Variants in NUP155 observed in about 807,000 individuals in gnomAD.
NUP155 encodes nucleoporin 155.
In NUP155, 71 loss-of-function variants were observed where a neutral mutation model predicts 180.4. The ratio of observed to expected loss-of-function variants is 0.39; its 90% CI spans 0.33 to 0.48. The LOEUF is 0.48. Among genes scored for constraint, NUP155 ranks in the 20% least tolerant of loss-of-function variants. NUP155 has a pLI of 0.91. For missense variants in NUP155, 1,553 were observed against 1,648.9 expected (o/e 0.94, Z 1.01); for synonymous variants, 582 against 559.5 (o/e 1.04, Z -0.57).
chr5:37,312,040 C>CA (rs1246944855), intron 22 of NUP155, among the ~76,000 whole-genome samples: 3 of 151,930 alleles, frequency 2.0e-5, no homozygotes, highest in Non-Finnish European at 4.4e-5. Flanking sequence ...AAAAAACAAA[C>CA]AAACAAATAA....
At chr5:37,366,529 C>T (rs1747594411) in intron 1 of NUP155, among the ~76,000 whole-genome samples, 1 of 152,212 alleles carries the variant, frequency 6.6e-6, no homozygotes, top group African/African-American at 2.4e-5. Context: ...ACCTCCAATT[C>T]CCTGGTTCAA....
At chr5:37,307,757 A>C (rs1743250047) in intron 24 of NUP155, among the ~76,000 whole-genome samples, 1 of 152,004 alleles carries the variant, frequency 6.6e-6, no homozygotes, top group South Asian at 2.1e-4. Context: ...CCCCACCTCT[A>C]CTAAAAATAC....
chr5:37,368,924 G>A (rs1747780967), intron 1 of NUP155, among the ~76,000 whole-genome samples: 1 of 152,190 alleles, frequency 6.6e-6, no homozygotes, highest in African/African-American at 2.4e-5. Flanking sequence ...AACACAGAGG[G>A]AGGAATCGAT....
chr5:37,325,208 T>C (rs1388085511), intron 19 of NUP155, among the ~76,000 whole-genome samples: 3 of 151,988 alleles, frequency 2.0e-5, no homozygotes, highest in Non-Finnish European at 2.9e-5. Context: ...TGCCAATTCA[T>C]AGAAATTAGT....
chr5:37,323,126 C>G (rs1327329525), intron 20 of NUP155, among the ~76,000 whole-genome samples: 5 of 149,116 alleles, frequency 3.4e-5, no homozygotes, highest in African/African-American at 9.9e-5. Context: ...GCTGAAAATA[C>G]AAAGAAGAAT....
chr5:37,292,917 T>C lies in NUP155; in HGVS notation c.3999A>G (p.Arg1333=), dbSNP rs1742311211. 6.2e-7 allele frequency: 1 copy of C among 1,612,142 alleles called. No individual in the cohort carries two copies. The highest frequency in any genetic ancestry group is 8.5e-7 in the Non-Finnish European group (1 of 1,178,708). The change falls in exon 34 of 35, where the codon AGA becomes AGG. Residue 1333 remains arginine, a synonymous_variant. Transcript: ENST00000231498. ...LLDCIHVLLI[R]YVENPSQVLN... ...AAACTTGGCTGGGATTCTCAACATA[T>C]CTTATCAATAATACATGTATACAAT...
intron 9 of NUP155, among the ~76,000 whole-genome samples, chr5:37,344,353 A>AT (rs1745937657): frequency 6.7e-6 from 1 of 150,264 alleles, no homozygotes; most frequent in Non-Finnish European, 1.5e-5. Flanking sequence ...AAGAAAAAAA[A>AT]AAAAAAAAGA....
intron 24 of NUP155, among the ~76,000 whole-genome samples, chr5:37,307,952 AATAT>A (rs397997402): frequency 3.5e-4 from 31 of 87,682 alleles, no homozygotes; most frequent in East Asian, 1.6e-3. Context: ...GAAAAAAAAA[AATAT>A]ATATATATAT....
At chr5:37,331,623 A>C in intron 14 of NUP155, 62 bp downstream of exon 14, 1 of 877,258 alleles carries the variant, frequency 1.1e-6, no homozygotes, top group Middle Eastern at 3.3e-4. Flanking sequence ...AATTTACATA[A>C]ACTATGACTC....
Position 37,317,970 on chromosome 5 carries a change from T to A in NUP155, c.2305+18A>T. On this transcript the variant is annotated intron_variant, in intron 21 of 34. Coordinates refer to ENST00000231498, the MANE Select transcript of NUP155 (RefSeq NM_153485.3). ...ACTGAGGTCATGTACGCTTAACTGA[T>A]GAGAAGCAATAATTTACCATGAAAC... The A allele has an allele frequency of 7.1e-7, 1 of 1,415,756 alleles. No individual in the cohort carries two copies. The highest frequency in any genetic ancestry group is 1.0e-6 in the Non-Finnish European group (1 of 998,696). The allele number at this position is 1,415,756 out of a possible 1,614,324, so 87.7% of individuals were successfully genotyped here.
intron 20 of NUP155, among the ~76,000 whole-genome samples, chr5:37,320,174 G>A (rs1472184214): frequency 6.6e-6 from 1 of 151,040 alleles, no homozygotes; most frequent in African/African-American, 2.4e-5. Flanking sequence ...AAAAAAAAGA[G>A]AAAAGACAGA....
intron 9 of NUP155, 98 bp from the exon 10 acceptor site, chr5:37,342,744 C>CT (rs984976354): frequency 0.011 from 8,199 of 754,194 alleles, no homozygotes; most frequent in Middle Eastern, 0.015. Context: ...CCATATTTTC[C>CT]TTTTTTTTTT....
At chr5:37,299,609 C>CAACATT (rs771173181) in intron 30 of NUP155, 41 bp from the exon 31 acceptor site, 2 of 1,602,882 alleles carry the variant, frequency 1.2e-6, no homozygotes, top group Non-Finnish European at 1.7e-6. Flanking sequence ...AACTAGAGAT[C>CAACATT]AACATTCAGA....
At chr5:37,323,814 T>C (rs1197075226) in intron 20 of NUP155, among the ~76,000 whole-genome samples, 178 bp downstream of exon 20, 3 of 152,016 alleles carry the variant, frequency 2.0e-5, no homozygotes, top group African/African-American at 7.2e-5. Context: ...AGTTTCTTAT[T>C]GCTGTGATGA....
At position 37,370,124 on chromosome 5, in the gene NUP155, A is replaced by C. The variant is rs921844124; in HGVS notation, c.157+697T>G. On this transcript the variant is annotated intron_variant, in intron 1 of 34. Coordinates refer to ENST00000231498, the MANE Select transcript of NUP155 (RefSeq NM_153485.3). The stretch of plus-strand genomic sequence containing the variant: ...AGTGGCTTGCGCCTGTAATCCCAGC[A>C]CTTTGGGAGGCCGAGGCGGGCGGAT... 2.0e-5 allele frequency among the ~76,000 whole-genome samples: 3 copies of C among 152,190 alleles called. No individual in the cohort carries two copies. The East Asian group carries it at 5.8e-4, about 29-fold the overall frequency.
At chr5:37,338,753 T>C (rs1010582487) in intron 11 of NUP155, among the ~76,000 whole-genome samples, 8 of 152,148 alleles carry the variant, frequency 5.3e-5, no homozygotes, top group African/African-American at 1.9e-4. Flanking sequence ...AATAATTCCC[T>C]GAAAGACTAT....
At chr5:37,365,904 G>A (rs936285541) in intron 1 of NUP155, among the ~76,000 whole-genome samples, 5 of 150,674 alleles carry the variant, frequency 3.3e-5, no homozygotes, top group South Asian at 2.1e-4. Context: ...AACTGCTTTG[G>A]GGCTCAAAGG....
At chr5:37,346,194 C>T (rs539949898) in intron 9 of NUP155, among the ~76,000 whole-genome samples, 13 of 151,954 alleles carry the variant, frequency 8.6e-5, no homozygotes, top group Non-Finnish European at 1.3e-4. Context: ...ATGAGGATCA[C>T]GTCAGCCCAG....
chr5:37,317,554 A>T (rs183597679), intron 21 of NUP155, among the ~76,000 whole-genome samples: 1 of 152,038 alleles, frequency 6.6e-6, no homozygotes, highest in African/African-American at 2.4e-5. Context: ...TCACCACAAT[A>T]AAAAAAACAT....
Sources: allele counts gnomAD v4.1 joint callset (sites outside exome capture counted in the v4.1 genomes callset), GRCh38; gene constraint gnomAD v4.1.1; transcripts MANE v1.5; gene names NCBI Gene and HGNC (gene_info 2026-07-23, HGNC 2026-07-21).